NT5C2: variants seen among roughly 807,000 people sequenced by gnomAD.
The protein encoded by NT5C2 is cytosolic purine 5'-nucleotidase.
A neutral mutation model predicts 76.1 loss-of-function variants in NT5C2; 58 were observed. The observed-to-expected ratio is 0.76, with a 90% CI of 0.62 to 0.95. The LOEUF is 0.95. Among genes scored for constraint, NT5C2 ranks in the 40% least tolerant of loss-of-function variants. The pLI is 0.00. For missense variants in NT5C2, 478 were observed against 690.3 expected, an observed-to-expected ratio of 0.69 and a Z score of 3.45; for synonymous variants, 229 against 237.4, an observed-to-expected ratio of 0.96 and a Z score of 0.32.
intron 4 of NT5C2, among the ~76,000 whole-genome samples, chr10:103,129,570 A>G (rs1377040808): frequency 1.1e-5 from 1 of 94,732 alleles, no homozygotes; most frequent in African/African-American, 4.1e-5. Flanking sequence ...TCCGGGAGGG[A>G]GGTGGGGGTG....
rs192920489 is a variant in NT5C2 at position 103,136,030 on chromosome 10, T to A, written c.175+3376A>T. On this transcript the variant is annotated intron_variant, in intron 4 of 18. Coordinates refer to ENST00000404739, the MANE Select transcript of NT5C2 (RefSeq NM_001351169.2). ...TGAACCTGGGAGGCACAGGTTGCAGTGAGCCAGGATTGCACCATTGCACTC... is the reference window on the plus strand; with the variant it reads ...TGAACCTGGGAGGCACAGGTTGCAGAGAGCCAGGATTGCACCATTGCACTC... Among the ~76,000 whole-genome samples, 617 of 152,260 alleles carry A rather than the reference T, an allele frequency of 4.1e-3. 19 individuals carry two copies. In the East Asian group the frequency reaches 0.072, roughly 18 times the overall value.
intron 4 of NT5C2, among the ~76,000 whole-genome samples, chr10:103,129,338 G>T (rs2077463764): frequency 8.2e-6 from 1 of 121,632 alleles, no homozygotes; most frequent in Non-Finnish European, 1.8e-5. Flanking sequence ...GCCCCGTCCG[G>T]GAGGGAGGTG....
intron 3 of NT5C2, chr10:103,169,247 A>T (rs971612946): frequency 6.6e-6 from 1 of 152,196 alleles, no homozygotes; most frequent in Non-Finnish European, 1.5e-5. Flanking sequence ...ATTTTTGTCA[A>T]TGTTTAAAAA....
chr10:103,100,641 C>T (rs1410050202), intron 8 of NT5C2: 1 of 466,678 alleles, frequency 2.1e-6, no homozygotes, highest in Non-Finnish European at 4.3e-6. Flanking sequence ...TCTTGCCTGG[C>T]CTGGGAATGA....
At chr10:103,154,129 T>C (rs1032278605) in intron 3 of NT5C2, among the ~76,000 whole-genome samples, 9 of 152,298 alleles carry the variant, frequency 5.9e-5, no homozygotes, top group Non-Finnish European at 1.0e-4. Flanking sequence ...ATATAATGCA[T>C]AGGGATTATG....
At chr10:103,160,798 A>G (rs1164252584) in intron 3 of NT5C2, among the ~76,000 whole-genome samples, 1 of 152,200 alleles carries the variant, frequency 6.6e-6, no homozygotes, top group African/African-American at 2.4e-5. Flanking sequence ...GCAGATCACG[A>G]GGTCAAGAGA....
intron 4 of NT5C2, among the ~76,000 whole-genome samples, chr10:103,135,466 A>C (rs1340171144): frequency 2.0e-5 from 3 of 152,134 alleles, no homozygotes; most frequent in Non-Finnish European, 4.4e-5. Context: ...AGCCAGGTGG[A>C]AATATAAGTC....
intron 3 of NT5C2, among the ~76,000 whole-genome samples, chr10:103,161,782 G>A (rs1353219810): frequency 6.6e-6 from 1 of 152,046 alleles, no homozygotes; most frequent in Non-Finnish European, 1.5e-5. Context: ...GTCAGACACA[G>A]AAGGCCATAA....
At chr10:103,121,258 A>C (rs1018163372) in intron 4 of NT5C2, among the ~76,000 whole-genome samples, 3 of 152,210 alleles carry the variant, frequency 2.0e-5, no homozygotes, top group Non-Finnish European at 4.4e-5. Context: ...TGTATACTTG[A>C]AAATGGTTTA....
At chr10:103,121,797 G>C (rs2075723378) in intron 4 of NT5C2, among the ~76,000 whole-genome samples, 2 of 152,136 alleles carry the variant, frequency 1.3e-5, no homozygotes, top group South Asian at 4.1e-4. Context: ...GGGGAGGGCA[G>C]AAAAATTCAA....
chr10:103,180,259 T>C (rs1345437741), intron 2 of NT5C2, among the ~76,000 whole-genome samples: 1 of 152,196 alleles, frequency 6.6e-6, no homozygotes, highest in Non-Finnish European at 1.5e-5. Flanking sequence ...TCAAATGTTG[T>C]TGAGAATGTA....
chr10:103,123,227 A>G (rs1046440402), intron 4 of NT5C2, among the ~76,000 whole-genome samples: 1 of 152,088 alleles, frequency 6.6e-6, no homozygotes, highest in African/African-American at 2.4e-5. Context: ...GGCTAACACC[A>G]TCCTCCTCCC....
intron 3 of NT5C2, chr10:103,169,559 T>A (rs1188068929): frequency 6.6e-6 from 1 of 152,188 alleles, no homozygotes. Flanking sequence ...GTTAAGGCTA[T>A]AGTGAGCCAT....
At chr10:103,179,177 G>A (rs1192063073) in intron 2 of NT5C2, among the ~76,000 whole-genome samples, 1 of 151,750 alleles carries the variant, frequency 6.6e-6, no homozygotes, top group Non-Finnish European at 1.5e-5. Context: ...CCAAACTCCT[G>A]ACCTCATGAT....
In NT5C2 at chr10:103,148,837, C is replaced by A. The variant is rs188232771; in HGVS notation, c.102-9358G>T. On this transcript the variant is annotated intron_variant, in intron 3 of 18. Transcript: ENST00000404739. ...AGATGATTAAGATTTAAAATGCCAT[C>A]AATTATAAAATGTACCCATATTATA... Among the ~76,000 whole-genome samples the A allele has an allele frequency of 1.4e-3, 218 of 152,088 alleles. 1 individual carries two copies. Among genetic ancestry groups the A allele is most frequent in the African/African-American group, 5.1e-3 (212 of 41,478 alleles).
chr10:103,092,193 C>A (rs1423533286), intron 15 of NT5C2, among the ~76,000 whole-genome samples: 1 of 152,184 alleles, frequency 6.6e-6, no homozygotes, highest in African/African-American at 2.4e-5. Context: ...ACAAGCCCTC[C>A]TTCATCTACT....
At chr10:103,146,493 G>A in intron 3 of NT5C2, 1 of 954,544 alleles carries the variant, frequency 1.0e-6, no homozygotes, top group Non-Finnish European at 1.2e-6. Context: ...AAAGTTACAA[G>A]TGCTTTTTGA....
chr10:103,126,322 T>C (rs934061323), intron 4 of NT5C2, among the ~76,000 whole-genome samples: 1 of 152,174 alleles, frequency 6.6e-6, no homozygotes, highest in African/African-American at 2.4e-5. Flanking sequence ...TGGCAGGTAT[T>C]TTTTATATAA....
chr10:103,112,197 A>G (rs1238182625), intron 4 of NT5C2, among the ~76,000 whole-genome samples: 1 of 152,202 alleles, frequency 6.6e-6, no homozygotes, highest in Non-Finnish European at 1.5e-5. Context: ...TGGTGTTTAA[A>G]ATTAAACTAT....
Sources: gnomAD v4.1 joint callset for allele counts (sites outside exome capture counted in the v4.1 genomes callset) on GRCh38, gnomAD v4.1.1 for gene constraint, MANE v1.5 for transcripts, NCBI Gene and HGNC (gene_info 2026-07-23, HGNC 2026-07-21) for gene names.